STPG2: variants seen among roughly 807,000 people sequenced by gnomAD.
The protein encoded by STPG2 is sperm-tail PG-rich repeat-containing protein 2.
Under a neutral mutation model 54.2 loss-of-function variants are expected in STPG2, and 56 were observed. The observed-to-expected ratio is 1.03, with a 90% CI of 0.83 to 1.29. The LOEUF (loss-of-function observed/expected upper bound fraction) is 1.29. Ranked by LOEUF, STPG2 falls within the 50% of genes most tolerant of loss-of-function variation. The pLI is 0.00. For synonymous variants in STPG2, 200 were observed against 181.8 expected (o/e 1.10, Z -0.81); for missense variants, 596 against 544.9 (o/e 1.09, Z -0.93).
chr4:97,562,115 A>C (rs367703420), intron 10 of STPG2, among the ~76,000 whole-genome samples: 147 of 152,038 alleles, frequency 9.7e-4, no homozygotes, highest in Middle Eastern at 6.8e-3. Flanking sequence ...CTTTTATTTC[A>C]TTGAGCAGTG....
At chr4:97,528,266 C>T (rs1207922675) in intron 4 of STPG2, among the ~76,000 whole-genome samples, 1 of 152,058 alleles carries the variant, frequency 6.6e-6, no homozygotes, top group African/African-American at 2.4e-5. Flanking sequence ...AATCTTTTCC[C>T]CATTGCTTGT....
intron 10 of STPG2, among the ~76,000 whole-genome samples, chr4:97,665,623 ATCCTGGCCCCTAGACTT>A (rs1722500096): frequency 6.6e-6 from 1 of 152,158 alleles, no homozygotes; most frequent in East Asian, 1.9e-4. Context: ...CAGGGCTGGA[ATCCTGGCCCCTAGACTT>A]CAGGCTAGAC....
chr4:97,779,985 C>T (rs1726549178), intron 9 of STPG2, among the ~76,000 whole-genome samples: 1 of 150,862 alleles, frequency 6.6e-6, no homozygotes, highest in African/African-American at 2.4e-5. Context: ...ACATGCCGAA[C>T]TGTAAAGAAC....
At chr4:97,800,232 C>T (rs533306499) in intron 9 of STPG2, among the ~76,000 whole-genome samples, 5 of 152,310 alleles carry the variant, frequency 3.3e-5, no homozygotes, top group Admixed American at 6.5e-5. Context: ...CAAGGAGCTG[C>T]GTTCCTTTGG....
At chr4:97,604,029 A>G (rs1733529816) in intron 10 of STPG2, among the ~76,000 whole-genome samples, 2 of 151,714 alleles carry the variant, frequency 1.3e-5, no homozygotes, top group African/African-American at 2.4e-5. Context: ...ATCTTAAAAT[A>G]TACTCTCCAT....
intron 10 of STPG2, among the ~76,000 whole-genome samples, chr4:97,703,514 A>G (rs974333093): frequency 2.1e-5 from 3 of 140,766 alleles, no homozygotes; most frequent in Non-Finnish European, 4.5e-5. Flanking sequence ...TATAGTATAT[A>G]GACTATATAC....
intron 10 of STPG2, among the ~76,000 whole-genome samples, chr4:97,583,499 C>A (rs1732915210): frequency 1.3e-5 from 2 of 151,918 alleles, no homozygotes; most frequent in African/African-American, 2.4e-5. Context: ...GCTATTTTCA[C>A]ATGAACTGAC....
chr4:98,106,010 AT>A lies in STPG2; in HGVS notation c.554del (p.Asn185IlefsTer12). 1 of 1,550,546 alleles carries A rather than the reference AT, an allele frequency of 6.4e-7. No homozygotes were observed. The highest frequency in any genetic ancestry group is 8.8e-7 in the Non-Finnish European group (1 of 1,130,654). ...ATAGTCGTGGGATAAATGAACAATA[AT>A]TTTGTTGTTGATCTCTCTTGATGTT... ...NVNIKRDQQQ[N>X]YCSFIPRLYE... On this transcript the variant is annotated frameshift_variant, in exon 5 of 11. Coordinates refer to ENST00000295268, the MANE Select transcript of STPG2 (RefSeq NM_174952.3). LOFTEE classifies it high-confidence loss of function.
chr4:98,064,817 CAT>C (rs1737775944), intron 5 of STPG2, among the ~76,000 whole-genome samples: 1 of 152,062 alleles, frequency 6.6e-6, no homozygotes, highest in Non-Finnish European at 1.5e-5. Flanking sequence ...TGATTCAACA[CAT>C]GATGACCTTA....
intron 10 of STPG2, among the ~76,000 whole-genome samples, chr4:97,672,622 A>G (rs1325109899): frequency 6.6e-6 from 1 of 152,224 alleles, no homozygotes; most frequent in Admixed American, 6.5e-5. Context: ...AATAGCTATG[A>G]CATAAGATAG....
intron 5 of STPG2, among the ~76,000 whole-genome samples, chr4:98,001,470 T>C (rs552145052): frequency 2.6e-4 from 40 of 152,096 alleles, no homozygotes; most frequent in African/African-American, 7.9e-4. Context: ...GTCTTCCTGC[T>C]CTTTACAAGT....
intron 5 of STPG2, among the ~76,000 whole-genome samples, chr4:98,005,338 T>C (rs1198488531): frequency 6.6e-6 from 1 of 152,154 alleles, no homozygotes; most frequent in Non-Finnish European, 1.5e-5. Flanking sequence ...ATACTTTGCA[T>C]CCTTCAATCC....
intron 9 of STPG2, among the ~76,000 whole-genome samples, chr4:97,720,869 C>A (rs1278893546): frequency 1.3e-5 from 2 of 151,878 alleles, no homozygotes; most frequent in African/African-American, 4.8e-5. Context: ...AAAACAAATT[C>A]TAGAGTTAAA....
At chr4:97,612,249 CA>C (rs33922653) in intron 10 of STPG2, among the ~76,000 whole-genome samples, 98,336 of 140,072 alleles carry the variant, frequency 0.7, 34,313 homozygotes, top group Non-Finnish European at 0.78. Flanking sequence ...TGTAAAATGG[CA>C]AAAAAAAAAA....
intron 4 of STPG2, among the ~76,000 whole-genome samples, chr4:97,453,759 T>C (rs1418505741): frequency 6.6e-6 from 1 of 151,900 alleles, no homozygotes; most frequent in African/African-American, 2.4e-5. Context: ...TATACTGGAG[T>C]CCGACTAGTA....
intron 8 of STPG2, among the ~76,000 whole-genome samples, chr4:97,902,997 C>A (rs1310750335): frequency 6.6e-6 from 1 of 151,984 alleles, no homozygotes; most frequent in Non-Finnish European, 1.5e-5. Context: ...CATGATCTCA[C>A]TTATATATAG....
At chr4:98,060,668 C>CTATACTATATA (rs1737621746) in intron 5 of STPG2, among the ~76,000 whole-genome samples, 1 of 152,112 alleles carries the variant, frequency 6.6e-6, no homozygotes, top group African/African-American at 2.4e-5. Flanking sequence ...TCAAACTATA[C>CTATACTATATA]TACAGGGCTA....
At chr4:97,450,006 T>C (rs1159412208) in intron 4 of STPG2, among the ~76,000 whole-genome samples, 1 of 152,172 alleles carries the variant, frequency 6.6e-6, no homozygotes, top group African/African-American at 2.4e-5. Flanking sequence ...TTATTTATAA[T>C]ATGAACAAAA....
At chr4:98,127,957 C>T (rs1739876759) in intron 3 of STPG2, among the ~76,000 whole-genome samples, 1 of 152,088 alleles carries the variant, frequency 6.6e-6, no homozygotes, top group Non-Finnish European at 1.5e-5. Flanking sequence ...TATGATTATA[C>T]ACTGTGGCAG....
Sources: gnomAD v4.1 joint callset for allele counts (sites outside exome capture counted in the v4.1 genomes callset) on GRCh38, gnomAD v4.1.1 for gene constraint, MANE v1.5 for transcripts, NCBI Gene and HGNC (gene_info 2026-07-23, HGNC 2026-07-21) for gene names.